POLA1: variants seen among roughly 807,000 people sequenced by gnomAD.
The protein encoded by POLA1 is DNA polymerase alpha catalytic subunit.
In POLA1, 15 loss-of-function variants were observed where a neutral mutation model predicts 124.0. That is an observed-to-expected ratio of 0.12 (90% CI 0.08 to 0.19). POLA1 has a LOEUF of 0.19. POLA1 is among the 10% of genes least tolerant of loss of function. The probability of loss-of-function intolerance (pLI) is 1.00; values close to 1 mark genes in which losing one functional copy is unlikely to be tolerated. For missense variants in POLA1, 886 were observed against 1,103.4 expected (o/e 0.80, Z 2.79); for synonymous variants, 408 against 389.4 (o/e 1.05, Z -0.56).
rs2048609069 is a variant in POLA1, at chrX:24,996,474, G to A, written c.*524G>A. The A allele has an allele frequency of 8.8e-6, 1 of 113,391 alleles. No homozygotes were observed. Among genetic ancestry groups the A allele is most frequent in the Non-Finnish European group, 1.9e-5 (1 of 53,827 alleles). The allele number at this position is 113,391 out of a possible 1,213,427, so 9.3% of individuals were successfully genotyped here. A position where few individuals can be genotyped will look rare whatever the true frequency, so the allele number is the denominator to read the frequency against. On this transcript the variant is annotated 3_prime_UTR_variant, in exon 37 of 37. Transcript: ENST00000379068. ...TTGTCTTTTATATAGGTAGCTGAGGGGGAAGATTTAGAAGCCTTGCACTCA... is the reference window on the plus strand; with the variant it reads ...TTGTCTTTTATATAGGTAGCTGAGGAGGAAGATTTAGAAGCCTTGCACTCA...
At chrX:24,742,161 C>CT (rs1931704706) in intron 22 of POLA1, 40 bp downstream of exon 22, 2 of 519,974 alleles carry the variant, frequency 3.8e-6, no homozygotes, top group East Asian at 1.3e-4. Context: ...TTCTCTTAAC[C>CT]CCCCCCCCCC....
intron 34 of POLA1, among the ~76,000 whole-genome samples, chrX:24,871,580 G>A (rs1292777765): frequency 1.8e-5 from 2 of 110,862 alleles, no homozygotes; most frequent in Non-Finnish European, 3.8e-5. Context: ...AGGCTTATGG[G>A]GAACCTTATT....
chrX:24,711,123 C>T (rs1004984182), intron 4 of POLA1, among the ~76,000 whole-genome samples: 1 of 111,335 alleles, frequency 9.0e-6, no homozygotes, highest in Middle Eastern at 4.2e-3. Flanking sequence ...GCCAGGACTA[C>T]AGGCACATCC....
At chrX:24,986,674 G>A (rs147309419) in intron 36 of POLA1, among the ~76,000 whole-genome samples, 1 of 105,251 alleles carries the variant, frequency 9.5e-6, no homozygotes, top group South Asian at 4.3e-4. Context: ...TGGAGCCCAG[G>A]AGTATGATCA....
At chrX:24,991,412 C>T (rs1217599860) in intron 36 of POLA1, among the ~76,000 whole-genome samples, 2 of 112,502 alleles carry the variant, frequency 1.8e-5, no homozygotes, top group African/African-American at 6.5e-5. Context: ...GTAAGGGGCA[C>T]GACTCTTACC....
At chrX:24,902,028 A>G (rs1029817211) in intron 35 of POLA1, among the ~76,000 whole-genome samples, 3 of 111,184 alleles carry the variant, frequency 2.7e-5, no homozygotes, top group African/African-American at 9.9e-5. Context: ...ACACACACGC[A>G]CACCCCTGTA....
intron 4 of POLA1, among the ~76,000 whole-genome samples, chrX:24,711,974 T>TATGA (rs1431010851): frequency 8.9e-6 from 1 of 112,730 alleles, no homozygotes; most frequent in Non-Finnish European, 1.9e-5. Context: ...ATGAACAATG[T>TATGA]ATGAATGTCT....
At chrX:24,843,382 A>G (rs1164648947) in intron 33 of POLA1, among the ~76,000 whole-genome samples, 164 bp from the exon 34 acceptor site, 2 of 112,252 alleles carry the variant, frequency 1.8e-5, no homozygotes, top group African/African-American at 6.5e-5. Flanking sequence ...ATGTATGACT[A>G]AAGCGGTCTT....
chrX:24,772,189 G>A (rs868259844), intron 26 of POLA1, among the ~76,000 whole-genome samples: 3 of 111,028 alleles, frequency 2.7e-5, no homozygotes, highest in Middle Eastern at 4.7e-3. Flanking sequence ...TGTTTTCAGT[G>A]TTTTACAATT....
intron 15 of POLA1, among the ~76,000 whole-genome samples, chrX:24,729,161 C>T (rs189140947): frequency 2.3e-4 from 26 of 112,142 alleles, no homozygotes; most frequent in Non-Finnish European, 4.3e-4. Flanking sequence ...ATCAGTTTTT[C>T]ATCTAAGGTT....
chrX:24,914,725 T>A (rs373195637), intron 35 of POLA1, among the ~76,000 whole-genome samples: 11 of 111,849 alleles, frequency 9.8e-5, no homozygotes, highest in African/African-American at 3.6e-4. Flanking sequence ...CATTCTTTTA[T>A]GCAACATAAA....
At chrX:24,712,407 A>G (rs1929521657) in intron 4 of POLA1, among the ~76,000 whole-genome samples, 1 of 112,183 alleles carries the variant, frequency 8.9e-6, no homozygotes, top group Admixed American at 9.4e-5. Context: ...TCTTTTACAT[A>G]TGAAATTGAT....
intron 35 of POLA1, among the ~76,000 whole-genome samples, chrX:24,904,264 A>C (rs1338082760): frequency 9.0e-6 from 1 of 110,681 alleles, no homozygotes; most frequent in Non-Finnish European, 1.9e-5. Context: ...TTAAACTAGC[A>C]GTAAGTTTGC....
chrX:24,715,028 G>A lies in POLA1; in HGVS notation c.463-113G>A, dbSNP rs1929728623. 17 of 526,610 alleles carry A rather than the reference G, an allele frequency of 3.2e-5. No homozygotes were observed. The South Asian group carries it at 4.8e-4, about 15-fold the overall frequency. 43.4% of individuals were successfully genotyped at this position (526,610 alleles called of 1,213,427 possible). Reference sequence around the variant, plus strand: ...GATGAGCACTCAGAGAGTGAGGAATGAAGAGGCAAGGACTAACTGGCTAGG... The same window carrying A: ...GATGAGCACTCAGAGAGTGAGGAATAAAGAGGCAAGGACTAACTGGCTAGG... On this transcript the variant is annotated intron_variant, in intron 5 of 36. Coordinates refer to ENST00000379068, the MANE Select transcript of POLA1 (RefSeq NM_001330360.2).
intron 36 of POLA1, among the ~76,000 whole-genome samples, chrX:24,946,698 G>A (rs902284052): frequency 2.7e-5 from 3 of 111,668 alleles, no homozygotes; most frequent in African/African-American, 6.5e-5. Context: ...CTTAAGCACT[G>A]TCCCTCTTAC....
chrX:24,808,300 G>A (rs765785770), intron 26 of POLA1, among the ~76,000 whole-genome samples: 16 of 110,535 alleles, frequency 1.4e-4, no homozygotes, highest in African/African-American at 4.6e-4. Context: ...GTCCCCCACC[G>A]CCTGCCCCCT....
intron 36 of POLA1, among the ~76,000 whole-genome samples, chrX:24,950,330 T>C (rs961740780): frequency 1.2e-4 from 13 of 111,993 alleles, no homozygotes; most frequent in Non-Finnish European, 2.3e-4. Flanking sequence ...GTTGAACACT[T>C]GAATGTAGCT....
intron 36 of POLA1, among the ~76,000 whole-genome samples, chrX:24,993,294 G>C (rs1040630140): frequency 8.9e-6 from 1 of 112,162 alleles, no homozygotes; most frequent in Non-Finnish European, 1.9e-5. Flanking sequence ...TGCTGGTGGC[G>C]GAGACAGCAG....
At chrX:24,756,874 G>T (rs1347196847) in intron 26 of POLA1, among the ~76,000 whole-genome samples, 1 of 111,286 alleles carries the variant, frequency 9.0e-6, no homozygotes, top group Admixed American at 9.6e-5. Context: ...GCAGTGCGAA[G>T]AATTTTCTTG....
Sources: gnomAD v4.1 joint callset for allele counts (sites outside exome capture counted in the v4.1 genomes callset) on GRCh38, gnomAD v4.1.1 for gene constraint, MANE v1.5 for transcripts, NCBI Gene and HGNC (gene_info 2026-07-23, HGNC 2026-07-21) for gene names.